The following HMCN1 variants were observed in gnomAD, a reference collection of about 807,000 sequenced individuals.
HMCN1 encodes hemicentin 1.
In HMCN1, 321 loss-of-function variants were observed where a neutral mutation model predicts 625.9. The observed-to-expected ratio is 0.51, with a 90% CI of 0.47 to 0.56. The LOEUF (loss-of-function observed/expected upper bound fraction) is 0.56. Ranked by LOEUF, HMCN1 falls within the 20% of genes least tolerant of loss-of-function variation. The pLI, the probability that HMCN1 is intolerant of heterozygous loss-of-function variation, is 0.00. For missense variants in HMCN1, 6,588 were observed against 6,887.3 expected (o/e 0.96, Z 1.54); for synonymous variants, 2,425 against 2,417.6 (o/e 1.00, Z -0.09).
chr1:185,773,241 A>G (rs1260216142), intron 1 of HMCN1, among the ~76,000 whole-genome samples: 2 of 152,176 alleles, frequency 1.3e-5, no homozygotes, highest in Admixed American at 1.3e-4. Flanking sequence ...TGCCAGGCAT[A>G]CTGCTAAAAA....
intron 68 of HMCN1, among the ~76,000 whole-genome samples, chr1:186,096,307 T>C (rs1309938561): frequency 6.6e-6 from 1 of 152,166 alleles, no homozygotes; most frequent in African/African-American, 2.4e-5. Context: ...AACCCTAAAA[T>C]TCTGCTTCAT....
chr1:186,053,762 G>A, intron 43 of HMCN1, 63 bp from the exon 44 acceptor site: 1 of 1,509,450 alleles, frequency 6.6e-7, no homozygotes, highest in South Asian at 1.1e-5. Context: ...TGTCATACTT[G>A]GCAATGTATA....
intron 36 of HMCN1, among the ~76,000 whole-genome samples, chr1:186,034,258 C>T (rs1164257585): frequency 6.6e-6 from 1 of 152,146 alleles, no homozygotes; most frequent in Non-Finnish European, 1.5e-5. Flanking sequence ...TCTCTAGAGC[C>T]TCCAGAAGGG....
chr1:185,926,919 A>G (rs1667306602), intron 9 of HMCN1, among the ~76,000 whole-genome samples: 1 of 152,180 alleles, frequency 6.6e-6, no homozygotes, highest in Non-Finnish European at 1.5e-5. Flanking sequence ...TTATGTCCAC[A>G]TAGTGCTTAA....
At chr1:185,761,345 G>T (rs1021926465) in intron 1 of HMCN1, among the ~76,000 whole-genome samples, 21 of 151,402 alleles carry the variant, frequency 1.4e-4, no homozygotes, top group Admixed American at 3.3e-4. Flanking sequence ...AAGATGTTTA[G>T]ACTTGTGATC....
intron 101 of HMCN1, 138 bp downstream of exon 101, chr1:186,171,588 A>G (rs1652235580): frequency 4.2e-6 from 3 of 707,844 alleles, no homozygotes; most frequent in Non-Finnish European, 4.9e-6. Flanking sequence ...CAATCCATGC[A>G]AAACCAAAAT....
chr1:186,133,003 G>C (rs980213430), intron 86 of HMCN1, among the ~76,000 whole-genome samples: 1 of 152,060 alleles, frequency 6.6e-6, no homozygotes, highest in African/African-American at 2.4e-5. Context: ...AGTATTCCAT[G>C]GTGTATATGT....
In HMCN1 at chr1:186,023,159, G is replaced by A. The variant is rs575776317; in HGVS notation, c.5749+6G>A. ...CATTCAACTGCATGTTCATGGTAAT[G>A]TAATTTCTACACCTTAACAAAAGAA... On this transcript the variant is annotated splice_donor_region_variant and intron_variant, in intron 36 of 106. Transcript: ENST00000271588. The A allele has an allele frequency of 6.2e-5, 100 of 1,611,644 alleles. No individual in the cohort carries two copies. The East Asian group carries it at 2.1e-3, about 34-fold the overall frequency.
At position 185,829,755 on chromosome 1, in the gene HMCN1, G is replaced by A. The variant is rs139247393; in HGVS notation, c.269-16271G>A. Among the ~76,000 whole-genome samples, 642 of 152,172 alleles carry A rather than the reference G, an allele frequency of 4.2e-3. 5 individuals carry two copies. Among genetic ancestry groups the A allele is most frequent in the African/African-American group, 0.015 (603 of 41,514 alleles). On this transcript the variant is annotated intron_variant, in intron 1 of 106. Coordinates refer to ENST00000271588, the MANE Select transcript of HMCN1 (RefSeq NM_031935.3). ...TGTATAGTAGAATGATTTATAATCC[G>A]TTGGGTATCTACTCAGTAATGGGAT...
At chr1:186,056,226 T>G (rs2102290275) in intron 45 of HMCN1, among the ~76,000 whole-genome samples, 1 of 152,142 alleles carries the variant, frequency 6.6e-6, no homozygotes, top group African/African-American at 2.4e-5. Context: ...GACACAAATC[T>G]TGTAATTTCA....
At chr1:185,744,759 T>C (rs1178381848) in intron 1 of HMCN1, among the ~76,000 whole-genome samples, 1 of 152,160 alleles carries the variant, frequency 6.6e-6, no homozygotes, top group Non-Finnish European at 1.5e-5. Context: ...CTGAAGAAAG[T>C]GCATGAATAA....
Position 185,799,318 on chromosome 1 carries a change from A to T in HMCN1, c.269-46708A>T, listed in dbSNP as rs189047343. ...CAGCAGATTTTGTATGGAGTTGTGC[A>T]GGTCAACCTCCAGGCCAGTAGAGGA... On this transcript the variant is annotated intron_variant, in intron 1 of 106. Coordinates refer to ENST00000271588, the MANE Select transcript of HMCN1 (RefSeq NM_031935.3). 2.8e-4 allele frequency among the ~76,000 whole-genome samples: 43 copies of T among 152,324 alleles called. No homozygotes were observed. In the East Asian group the frequency reaches 8.1e-3, roughly 29 times the overall value.
chr1:186,024,245 GT>G (rs1362567448), intron 36 of HMCN1, among the ~76,000 whole-genome samples: 1 of 152,206 alleles, frequency 6.6e-6, no homozygotes, highest in Non-Finnish European at 1.5e-5. Flanking sequence ...TGCTAGTGGG[GT>G]TAGGGGACAG....
chr1:185,838,163 C>T (rs1661282141), intron 1 of HMCN1, among the ~76,000 whole-genome samples: 2 of 152,176 alleles, frequency 1.3e-5, no homozygotes, highest in South Asian at 4.1e-4. Context: ...ATTCCCCTTC[C>T]CACCAGCACA....
intron 1 of HMCN1, among the ~76,000 whole-genome samples, chr1:185,776,442 T>TG (rs1656616319): frequency 6.8e-6 from 1 of 146,986 alleles, no homozygotes; most frequent in Non-Finnish European, 1.5e-5. Flanking sequence ...TTGTATAGGG[T>TG]TGTGTGTGTG....
chr1:186,040,802 T>C (rs1656151998), intron 39 of HMCN1, among the ~76,000 whole-genome samples: 1 of 152,016 alleles, frequency 6.6e-6, no homozygotes, highest in African/African-American at 2.4e-5. Flanking sequence ...TCAGTAGTCA[T>C]TACCAAATTT....
chr1:185,939,751 C>T (rs1397091371), intron 11 of HMCN1, among the ~76,000 whole-genome samples: 6 of 151,836 alleles, frequency 4.0e-5, no homozygotes, highest in Admixed American at 1.3e-4. Flanking sequence ...TGTGCCTTAT[C>T]GCTTTCATAT....
intron 78 of HMCN1, 114 bp downstream of exon 78, chr1:186,119,412 T>C (rs1010249738): frequency 1.2e-6 from 1 of 856,608 alleles, no homozygotes; most frequent in Admixed American, 1.8e-5. Context: ...TAGTAATATC[T>C]TGGGGATATG....
At chr1:185,980,597 TGGTGC>T (rs1651551424) in intron 16 of HMCN1, among the ~76,000 whole-genome samples, 1 of 151,308 alleles carries the variant, frequency 6.6e-6, no homozygotes. Context: ...AACAGGGTGG[TGGTGC>T]AGAGCACCAC....
Sources: allele counts gnomAD v4.1 joint callset (sites outside exome capture counted in the v4.1 genomes callset), GRCh38; gene constraint gnomAD v4.1.1; transcripts MANE v1.5; gene names NCBI Gene and HGNC (gene_info 2026-07-23, HGNC 2026-07-21).